SEZ6L2: variants seen among roughly 807,000 people sequenced by gnomAD.
SEZ6L2 encodes seizure related 6 homolog like 2, also known as seizure 6-like protein 2.
Under a neutral mutation model 97.0 loss-of-function variants are expected in SEZ6L2, and 44 were observed. That is an observed-to-expected ratio of 0.45 (90% CI 0.36 to 0.58). The LOEUF (loss-of-function observed/expected upper bound fraction) is 0.58. Among genes scored for constraint, SEZ6L2 ranks in the 20% least tolerant of loss-of-function variants. The pLI is 0.00. For synonymous variants in SEZ6L2, 543 were observed against 546.1 expected, an observed-to-expected ratio of 0.99 and a Z score of 0.08; for missense variants, 1,086 against 1,233.3, an observed-to-expected ratio of 0.88 and a Z score of 1.79.
chr16:29,896,634 T>G (rs1397435806), intron 3 of SEZ6L2, among the ~76,000 whole-genome samples, 188 bp downstream of exon 3: 1 of 152,166 alleles, frequency 6.6e-6, no homozygotes, highest in Non-Finnish European at 1.5e-5. Context: ...TTCCCAACTG[T>G]TATATAGCTG....
chr16:29,876,629 A>G lies in SEZ6L2; in HGVS notation c.2104+127T>C, dbSNP rs2067909146. 3 of 841,482 alleles carry G rather than the reference A, an allele frequency of 3.6e-6. No homozygotes were observed. The highest frequency in any genetic ancestry group is 1.8e-6 in the Non-Finnish European group (1 of 559,644). The allele number at this position is 841,482 out of a possible 1,614,324, so 52.1% of individuals were successfully genotyped here. A position where few individuals can be genotyped will look rare whatever the true frequency, so the allele number is the denominator to read the frequency against. ...AGGGCATGGGGGCAGGCCTTGAAGA[A>G]GATCCAGGAAGGACCCCGAGCGAAG... On this transcript the variant is annotated intron_variant, in intron 12 of 17. Coordinates refer to ENST00000617533, the MANE Select transcript of SEZ6L2 (RefSeq NM_001243332.2). The surrounding 1 kb of genome is among the most constrained non-coding windows in gnomAD (Gnocchi z 6.5).
chr16:29,882,269 G>C (rs77135565), intron 8 of SEZ6L2, among the ~76,000 whole-genome samples: 9,940 of 151,488 alleles, frequency 0.066, 943 homozygotes, highest in East Asian at 0.32. Flanking sequence ...CTGTGCCCGG[G>C]TTATTTTATT....
intron 2 of SEZ6L2, 95 bp downstream of exon 2, chr16:29,897,758 C>T: frequency 7.1e-7 from 1 of 1,404,668 alleles, no homozygotes; most frequent in East Asian, 2.4e-5. Flanking sequence ...TGCAGTCTCT[C>T]TCTGCCTGCT....
Position 29,887,704 on chromosome 16 carries a change from C to T in SEZ6L2, c.1153G>A (p.Gly385Arg). ...TCRWVIEAAE[G>R]RRLHLHFERV... Reference sequence around the variant, plus strand: ...TCAAAGTGCAGGTGCAGCCGGCGCCCCTCAGCTGCTTCAATGACCCAACGG... The same window carrying T: ...TCAAAGTGCAGGTGCAGCCGGCGCCTCTCAGCTGCTTCAATGACCCAACGG... Residue 385 changes from glycine (G) to arginine (R), a missense_variant, in exon 7 of 18, where the codon GGG (glycine) becomes AGG (arginine). By Grantham distance (125) the Gly-to-Arg change is moderately radical. This residue lies in a region of SEZ6L2 where 776 missense variants were observed against 794.7 expected (regional missense o/e 0.98). Transcript: ENST00000617533. The T allele has an allele frequency of 1.2e-6, 2 of 1,611,338 alleles. No individual in the cohort carries two copies. The highest frequency in any genetic ancestry group is 1.7e-6 in the Non-Finnish European group (2 of 1,178,328).
At chr16:29,881,391 G>A (rs1234706485) in intron 8 of SEZ6L2, among the ~76,000 whole-genome samples, 2 of 152,116 alleles carry the variant, frequency 1.3e-5, no homozygotes, top group African/African-American at 4.8e-5. Flanking sequence ...TCAGAGAACT[G>A]GCTGGTGTAG....
Position 29,878,352 on chromosome 16 carries a change from C to G in SEZ6L2, c.1647G>C (p.Pro549=), listed in dbSNP as rs746641096. 4.4e-6 allele frequency: 7 copies of G among 1,606,816 alleles called. No homozygotes were observed. Among genetic ancestry groups the G allele is most frequent in the Non-Finnish European group, 6.0e-6 (7 of 1,176,194 alleles). ...LSPDWPQSYS[P]GQDCVWGVHV... is the part of the protein sequence containing the mutation. ...GCACGCCCCACACGCAGTCTTGGCCCGGGCTATAGCTCTGGGGCCAGTCGG... is the reference window on the plus strand; with the variant it reads ...GCACGCCCCACACGCAGTCTTGGCCGGGGCTATAGCTCTGGGGCCAGTCGG... Residue 549 remains proline, a synonymous_variant, in exon 10 of 18, where the codon CCG becomes CCC. Transcript: ENST00000617533.
At chr16:29,898,769 G>T (rs1376696882) in intron 1 of SEZ6L2, among the ~76,000 whole-genome samples, 172 bp downstream of exon 1, 1 of 152,108 alleles carries the variant, frequency 6.6e-6, no homozygotes, top group East Asian at 1.9e-4. Context: ...CAATATTGAG[G>T]GTTAAGGGGC....
chr16:29,872,798 T>G, intron 14 of SEZ6L2, 55 bp from the exon 15 acceptor site: 9 of 1,193,242 alleles, frequency 7.5e-6, no homozygotes, highest in South Asian at 2.6e-5. Flanking sequence ...GGGAGGAGGC[T>G]GGGAGGGGCC....
chr16:29,883,416 A>T (rs1348415243), intron 8 of SEZ6L2, among the ~76,000 whole-genome samples: 1 of 151,810 alleles, frequency 6.6e-6, no homozygotes, highest in East Asian at 1.9e-4. Context: ...GGTTCAAGTG[A>T]TCCTCCCACC....
intron 4 of SEZ6L2, 109 bp from the exon 5 acceptor site, chr16:29,895,569 G>T: frequency 1.4e-6 from 2 of 1,406,404 alleles, no homozygotes; most frequent in Non-Finnish European, 1.9e-6. Context: ...AAGGCACCAC[G>T]CTGCTGCCCA....
intron 4 of SEZ6L2, 60 bp from the exon 5 acceptor site, chr16:29,895,520 C>T: frequency 1.3e-6 from 2 of 1,572,366 alleles, no homozygotes; most frequent in Non-Finnish European, 1.7e-6. Flanking sequence ...ACTTCCAAAG[C>T]CCCTGTCCTG....
At chr16:29,898,774 A>T (rs2068464027) in intron 1 of SEZ6L2, among the ~76,000 whole-genome samples, 167 bp downstream of exon 1, 1 of 152,124 alleles carries the variant, frequency 6.6e-6, no homozygotes, top group African/African-American at 2.4e-5. Flanking sequence ...TTGAGGGTTA[A>T]GGGGCTTCGG....
At chr16:29,891,219 C>T (rs761826484) in intron 5 of SEZ6L2, among the ~76,000 whole-genome samples, 7 of 151,976 alleles carry the variant, frequency 4.6e-5, no homozygotes, top group African/African-American at 1.2e-4. Flanking sequence ...TGATTACAGG[C>T]GTGAACCACT....
chr16:29,897,525 AC>A (rs2068431290), intron 2 of SEZ6L2, among the ~76,000 whole-genome samples: 1 of 151,698 alleles, frequency 6.6e-6, no homozygotes, highest in Non-Finnish European at 1.5e-5. Context: ...TTCGAGATCC[AC>A]TAGTTTTTGT....
At chr16:29,897,482 G>C (rs1002018465) in intron 2 of SEZ6L2, among the ~76,000 whole-genome samples, 2 of 151,684 alleles carry the variant, frequency 1.3e-5, no homozygotes, top group Non-Finnish European at 2.9e-5. Flanking sequence ...CCATTTCCCT[G>C]TTTAGTATTC....
At position 29,873,144 on chromosome 16, in the gene SEZ6L2, G is replaced by T; in HGVS notation, c.2488+96C>A. On this transcript the variant is annotated intron_variant, in intron 14 of 17. Transcript: ENST00000617533. The surrounding 1 kb of genome is among the most constrained non-coding windows in gnomAD (Gnocchi z 4.3). ...CAGGAGGAGAACCGGGAGCTCTGTG[G>T]GGTCGCCCATTGGTCTCAAATGTGC... The T allele has an allele frequency of 1.5e-6, 2 of 1,367,526 alleles. No homozygotes were observed. The highest frequency in any genetic ancestry group is 2.0e-6 in the Non-Finnish European group (2 of 996,824). The allele number at this position is 1,367,526 out of a possible 1,614,324, so 84.7% of individuals were successfully genotyped here.
chr16:29,897,499 C>T (rs541825577), intron 2 of SEZ6L2, among the ~76,000 whole-genome samples: 1 of 152,122 alleles, frequency 6.6e-6, no homozygotes, highest in East Asian at 1.9e-4. Context: ...ATTCTGATTG[C>T]ACTCTGATTT....
chr16:29,874,553 T>G (rs28680689), intron 12 of SEZ6L2, among the ~76,000 whole-genome samples: 4,614 of 71,292 alleles, frequency 0.065, 234 homozygotes, highest in African/African-American at 0.24. Flanking sequence ...TGTGCTTGTT[T>G]TTTTTTTTTT....
chr16:29,889,128 T>C (rs2068213922), intron 5 of SEZ6L2, among the ~76,000 whole-genome samples: 1 of 152,126 alleles, frequency 6.6e-6, no homozygotes, highest in South Asian at 2.1e-4. Flanking sequence ...CACACAGAGA[T>C]TTTGAGGTCA....
Sources: gnomAD v4.1 joint callset for allele counts (sites outside exome capture counted in the v4.1 genomes callset) on GRCh38, gnomAD v4.1.1 for gene constraint, gnomAD v4.1.1 regional missense constraint, Gnocchi (gnomAD v3.1) non-coding constraint, MANE v1.5 for transcripts, NCBI Gene and HGNC (gene_info 2026-07-23, HGNC 2026-07-21) for gene names.